The following IFT122 variants were observed in gnomAD, a reference collection of about 807,000 sequenced individuals.
The protein encoded by IFT122 is intraflagellar transport 122, also known as intraflagellar transport protein 122 homolog.
In IFT122, 118 loss-of-function variants were observed where a neutral mutation model predicts 161.6. The observed-to-expected ratio is 0.73, with a 90% CI of 0.63 to 0.85. The LOEUF (loss-of-function observed/expected upper bound fraction) is 0.85. IFT122 is among the 40% of genes least tolerant of loss of function. The pLI, the probability that IFT122 is intolerant of heterozygous loss-of-function variation, is 0.00. For synonymous variants in IFT122, 550 were observed against 602.4 expected, an observed-to-expected ratio of 0.91 and a Z score of 1.27; for missense variants, 1,381 against 1,579.6, an observed-to-expected ratio of 0.87 and a Z score of 2.13.
chr3:129,478,920 T>C (rs1037325437), intron 12 of IFT122, among the ~76,000 whole-genome samples: 2 of 152,212 alleles, frequency 1.3e-5, no homozygotes, highest in African/African-American at 4.8e-5. Flanking sequence ...CCTGAAAGAT[T>C]TTTTTTCATA....
chr3:129,492,462 T>C (rs1223868028), intron 17 of IFT122, among the ~76,000 whole-genome samples: 2 of 152,196 alleles, frequency 1.3e-5, no homozygotes, highest in African/African-American at 2.4e-5. Context: ...GAAAAGGGAT[T>C]GGACCTACCT....
At chr3:129,492,072 C>T in intron 16 of IFT122, 69 bp from the exon 17 acceptor site, 1 of 1,179,406 alleles carries the variant, frequency 8.5e-7, no homozygotes, top group Non-Finnish European at 1.3e-6. Context: ...TGACTTCCCA[C>T]CCCTAGCCAA....
intron 23 of IFT122, among the ~76,000 whole-genome samples, chr3:129,510,733 C>CGTCT (rs542152886): frequency 1.2e-4 from 18 of 152,318 alleles, no homozygotes; most frequent in African/African-American, 3.1e-4. Context: ...GCTAAGGGGC[C>CGTCT]TCAGACCAGC....
intron 1 of IFT122, among the ~76,000 whole-genome samples, chr3:129,445,042 G>A (rs2073818605): frequency 6.6e-6 from 1 of 152,122 alleles, no homozygotes; most frequent in Non-Finnish European, 1.5e-5. Flanking sequence ...GCCTGGGTTT[G>A]AGGCCGGATG....
rs757362896 is a variant in IFT122 at position 129,506,512 on chromosome 3, C to A, written c.2754C>A (p.Tyr918Ter). 6.2e-7 allele frequency: 1 copy of A among 1,614,242 alleles called. No individual in the cohort carries two copies. The highest frequency in any genetic ancestry group is 2.2e-5 in the East Asian group (1 of 44,890). The change falls in exon 22 of 30, where the codon TAC becomes TAA. Residue 918 changes from tyrosine to a stop codon, truncating the protein, a stop_gained. Transcript: ENST00000348417. LOFTEE classifies it high-confidence loss of function. Reference protein sequence around the residue: ...ESRFNDAAYYYWMLSMQCLDI... With the variant: ...ESRFNDAAYY ...GGTTTAATGATGCTGCCTATTATTA[C>A]TGGATGCTGTCCATGCAGTGCCTCG...
intron 7 of IFT122, among the ~76,000 whole-genome samples, chr3:129,465,120 T>A (rs1469017977): frequency 6.4e-5 from 2 of 31,438 alleles, no homozygotes; most frequent in African/African-American, 9.7e-4. Flanking sequence ...TATGAGTGTG[T>A]GTGTGTGTGT....
intron 21 of IFT122, 127 bp downstream of exon 21, chr3:129,504,548 T>C: frequency 1.3e-6 from 1 of 782,024 alleles, no homozygotes. Context: ...ATCCTGGGGA[T>C]GTGATTGTTT....
chr3:129,466,575 C>T (rs1029558608), intron 7 of IFT122, among the ~76,000 whole-genome samples: 1 of 143,592 alleles, frequency 7.0e-6, no homozygotes, highest in Non-Finnish European at 1.5e-5. Context: ...GATCTTGGCT[C>T]ACTGCAACCT....
chr3:129,475,278 T>C (rs1417273784), intron 9 of IFT122, among the ~76,000 whole-genome samples: 2 of 152,174 alleles, frequency 1.3e-5, no homozygotes, highest in Admixed American at 1.3e-4. Flanking sequence ...CCTCATACAC[T>C]GCTAATGCAA....
intron 26 of IFT122, among the ~76,000 whole-genome samples, chr3:129,516,053 CACACACACACAGACTGTCCCTGA>C (rs1381943438): frequency 6.7e-6 from 1 of 150,322 alleles, no homozygotes; most frequent in African/African-American, 2.5e-5. Context: ...TGCCCCTGCA[CACACACACACAGACTGTCCCTGA>C]ACACACACAC....
Position 129,483,483 on chromosome 3 carries a change from A to G in IFT122, c.1654-2A>G. 6.2e-7 allele frequency: 1 copy of G among 1,613,964 alleles called. No individual in the cohort carries two copies. Among genetic ancestry groups the G allele is most frequent in the Non-Finnish European group, 8.5e-7 (1 of 1,179,964 alleles). ...AGGATCCCCACTGTCCCTGTTCCCC[A>G]GGAACCAAACGCCAACAGTGTAGCT... On this transcript the variant is annotated splice_acceptor_variant, in intron 14 of 29. Coordinates refer to ENST00000348417, the MANE Select transcript of IFT122 (RefSeq NM_052989.3). LOFTEE classifies it high-confidence loss of function.
At chr3:129,516,694 G>GCACA (rs771398986) in intron 26 of IFT122, among the ~76,000 whole-genome samples, 832 of 50,162 alleles carry the variant, frequency 0.017, 16 homozygotes, top group Non-Finnish European at 0.02. Context: ...GATTGCTCCT[G>GCACA]CACACACACA....
intron 8 of IFT122, 116 bp from the exon 9 acceptor site, chr3:129,469,226 A>G (rs548754891): frequency 9.9e-5 from 88 of 887,598 alleles, no homozygotes; most frequent in Middle Eastern, 2.8e-4. Context: ...GTAAAGCTGT[A>G]CAACATTTGG....
chr3:129,458,070 A>C (rs2075750027), intron 3 of IFT122: 1 of 159,368 alleles, frequency 6.3e-6, no homozygotes, highest in Non-Finnish European at 1.4e-5. Context: ...CACTATAAAA[A>C]AATAAGTATC....
At chr3:129,512,549 C>T (rs192317015) in intron 24 of IFT122, 137 bp downstream of exon 24, 17 of 754,700 alleles carry the variant, frequency 2.3e-5, no homozygotes, top group Admixed American at 1.3e-4. Context: ...CTCACCCTCC[C>T]GCTGCTGTTT....
chr3:129,515,805 A>G (rs1000565638), intron 26 of IFT122, among the ~76,000 whole-genome samples: 2 of 152,192 alleles, frequency 1.3e-5, no homozygotes, highest in Admixed American at 6.5e-5. Context: ...TGCTGCCCAA[A>G]GCTGAAGCAC....
chr3:129,500,401 G>A (rs1167382855), intron 19 of IFT122, among the ~76,000 whole-genome samples: 1 of 152,168 alleles, frequency 6.6e-6, no homozygotes, highest in Non-Finnish European at 1.5e-5. Context: ...GTGTCTCCTC[G>A]CCCACCTTGC....
chr3:129,458,751 G>C (rs2075823821), intron 4 of IFT122, 74 bp downstream of exon 4: 1 of 1,202,668 alleles, frequency 8.3e-7, no homozygotes, highest in African/African-American at 1.5e-5. Context: ...TCTTAGAAAA[G>C]ATGTAGGAGA....
rs987604838 is a variant in IFT122, at chr3:129,506,435, G to A, written c.2677G>A (p.Glu893Lys). The stretch of plus-strand genomic sequence containing the variant: ...GTTCCACAAGGCTGGGCGACAGAGA[G>A]AAGCGGTCCAGGTGCTGGAGCAGCT... ...KAFHKAGRQR[E>K]AVQVLEQLTN... Residue 893 changes from glutamate (E) to lysine (K), a missense_variant, in exon 22 of 30, where the codon GAA (glutamate) becomes AAA (lysine). Around this residue, in one of 7 missense-constraint regions of IFT122, gnomAD observed 496 missense variants for 502.5 expected, o/e 0.99. Transcript: ENST00000348417. The A allele has an allele frequency of 6.2e-7, 1 of 1,614,208 alleles. No homozygotes were observed. Among genetic ancestry groups the A allele is most frequent in the Non-Finnish European group, 8.5e-7 (1 of 1,180,044 alleles).
Sources: allele counts gnomAD v4.1 joint callset (sites outside exome capture counted in the v4.1 genomes callset), GRCh38; gene constraint gnomAD v4.1.1; regional missense constraint gnomAD v4.1.1; transcripts MANE v1.5; gene names NCBI Gene and HGNC (gene_info 2026-07-23, HGNC 2026-07-21).